Variants in ST6GALNAC3 observed in about 807,000 individuals in gnomAD.
ST6GALNAC3 encodes the protein ST6 N-acetylgalactosaminide alpha-2,6-sialyltransferase 3.
Under a neutral mutation model 32.7 loss-of-function variants are expected in ST6GALNAC3, and 25 were observed. The ratio of observed to expected loss-of-function variants is 0.76; its 90% CI spans 0.56 to 1.07. The LOEUF (loss-of-function observed/expected upper bound fraction) is 1.07, where lower values mean the gene tolerates loss of function less well. ST6GALNAC3 is among the 50% of genes least tolerant of loss of function. The probability of loss-of-function intolerance (pLI) is 0.00; values close to 1 mark genes in which losing one functional copy is unlikely to be tolerated. For missense variants in ST6GALNAC3, 355 were observed against 382.4 expected (o/e 0.93, Z 0.60); for synonymous variants, 129 against 133.1 (o/e 0.97, Z 0.21).
In ST6GALNAC3 at chr1:76,630,030, C is replaced by T. The variant is rs1649210883; in HGVS notation, c.*1224C>T. ...TCCAAAGTGCTTTGTCATTTAGAGT[C>T]CTTTAACATCTGTTATACCATGTGA... On this transcript the variant is annotated 3_prime_UTR_variant, in exon 5 of 5. Coordinates refer to ENST00000328299, the MANE Select transcript of ST6GALNAC3 (RefSeq NM_152996.4). The T allele has an allele frequency of 1.0e-6, 1 of 985,154 alleles. No homozygotes were observed. The highest frequency in any genetic ancestry group is 4.7e-5 in the South Asian group (1 of 21,282). The allele number at this position is 985,154 out of a possible 1,614,324, so 61.0% of individuals were successfully genotyped here. A position where few individuals can be genotyped will look rare whatever the true frequency, so the allele number is the denominator to read the frequency against.
chr1:76,085,353 C>CT (rs2100733116), intron 1 of ST6GALNAC3, among the ~76,000 whole-genome samples: 1 of 152,304 alleles, frequency 6.6e-6, no homozygotes, highest in South Asian at 2.1e-4. Flanking sequence ...TTTCAGTGGA[C>CT]TTTAAGAACC....
intron 2 of ST6GALNAC3, among the ~76,000 whole-genome samples, chr1:76,397,677 G>T (rs184574848): frequency 6.6e-6 from 1 of 151,936 alleles, no homozygotes. Context: ...CCCGGCCAAG[G>T]TGTTCATTTT....
At chr1:76,096,217 T>G (rs1323480838) in intron 1 of ST6GALNAC3, among the ~76,000 whole-genome samples, 2 of 152,226 alleles carry the variant, frequency 1.3e-5, no homozygotes, top group African/African-American at 4.8e-5. Context: ...GTTAATTTCT[T>G]TGGAGTGAAT....
chr1:76,490,631 C>T (rs895330049), intron 3 of ST6GALNAC3, among the ~76,000 whole-genome samples: 1 of 151,758 alleles, frequency 6.6e-6, no homozygotes, highest in South Asian at 2.1e-4. Flanking sequence ...TGGATGAATA[C>T]TCCACTTGGG....
intron 2 of ST6GALNAC3, among the ~76,000 whole-genome samples, chr1:76,371,580 T>A (rs1489666059): frequency 6.6e-6 from 1 of 151,960 alleles, no homozygotes; most frequent in African/African-American, 2.4e-5. Flanking sequence ...TTGGAAAGAG[T>A]GGTTGGGTCA....
At chr1:76,231,958 C>A (rs1036835393) in intron 1 of ST6GALNAC3, among the ~76,000 whole-genome samples, 5 of 152,164 alleles carry the variant, frequency 3.3e-5, no homozygotes, top group African/African-American at 1.2e-4. Flanking sequence ...TGTGTGATAG[C>A]TGAAACACCT....
intron 2 of ST6GALNAC3, among the ~76,000 whole-genome samples, chr1:76,384,087 TCTC>T (rs1471532079): frequency 1.3e-5 from 2 of 152,104 alleles, no homozygotes; most frequent in Non-Finnish European, 2.9e-5. Flanking sequence ...GCCTAAACAT[TCTC>T]ATTAAATGAC....
At chr1:76,513,638 T>A (rs1223105835) in intron 3 of ST6GALNAC3, among the ~76,000 whole-genome samples, 2 of 152,182 alleles carry the variant, frequency 1.3e-5, no homozygotes, top group African/African-American at 4.8e-5. Flanking sequence ...CATATAAATG[T>A]TAGGATTTTC....
chr1:76,220,822 G>A (rs1164102127), intron 1 of ST6GALNAC3, among the ~76,000 whole-genome samples: 1 of 152,084 alleles, frequency 6.6e-6, no homozygotes, highest in African/African-American at 2.4e-5. Context: ...TATTTACATG[G>A]GCAAGAACTT....
At chr1:76,426,912 C>T (rs1655433814) in intron 3 of ST6GALNAC3, among the ~76,000 whole-genome samples, 1 of 151,976 alleles carries the variant, frequency 6.6e-6, no homozygotes, top group African/African-American at 2.4e-5. Context: ...CTGTGTGGCA[C>T]ATGATTGTTT....
chr1:76,274,290 T>C (rs1659016545), intron 1 of ST6GALNAC3, among the ~76,000 whole-genome samples: 1 of 152,208 alleles, frequency 6.6e-6, no homozygotes, highest in Non-Finnish European at 1.5e-5. Flanking sequence ...AAAGTTTTTA[T>C]AAAAATTCTA....
In ST6GALNAC3 at chr1:76,629,883, A is replaced by G; in HGVS notation, c.*1077A>G. 1 of 985,050 alleles carries G rather than the reference A, an allele frequency of 1.0e-6. No homozygotes were observed. Among genetic ancestry groups the G allele is most frequent in the Non-Finnish European group, 1.2e-6 (1 of 829,698 alleles). 61.0% of individuals were successfully genotyped at this position (985,050 alleles called of 1,614,324 possible). On this transcript the variant is annotated 3_prime_UTR_variant, in exon 5 of 5. Coordinates refer to ENST00000328299, the MANE Select transcript of ST6GALNAC3 (RefSeq NM_152996.4). ...CATTGCCAAGTGCCAGCTGTTACAC[A>G]TGGAGAGGAAATGATTCCTTATATT... is the stretch of plus-strand genomic sequence containing the variant.
chr1:76,347,031 A>G (rs1414083042), intron 2 of ST6GALNAC3, among the ~76,000 whole-genome samples: 1 of 152,106 alleles, frequency 6.6e-6, no homozygotes, highest in Non-Finnish European at 1.5e-5. Flanking sequence ...AGCTTACTGC[A>G]TATCCTTTCA....
At chr1:76,294,022 C>T (rs1437049919) in intron 1 of ST6GALNAC3, among the ~76,000 whole-genome samples, 2 of 152,166 alleles carry the variant, frequency 1.3e-5, no homozygotes, top group African/African-American at 4.8e-5. Flanking sequence ...ACTTCCTTTG[C>T]ACTCACTAAG....
chr1:76,548,054 C>A (rs1664403996), intron 3 of ST6GALNAC3, among the ~76,000 whole-genome samples: 1 of 152,092 alleles, frequency 6.6e-6, no homozygotes, highest in Non-Finnish European at 1.5e-5. Flanking sequence ...GCTTCCCAGC[C>A]AATTGCAAAG....
rs184149857 is a variant in ST6GALNAC3 at position 76,165,845 on chromosome 1, G to C, written c.18+90961G>C. Among the ~76,000 whole-genome samples the C allele has an allele frequency of 2.6e-5, 4 of 151,964 alleles. No homozygotes were observed. The East Asian group carries it at 7.7e-4, about 29-fold the overall frequency. ...TGAAAAGTGTCTGTTCATGTCCTTTGTCCACTTTCTAATGGGTTTTTTTTC... is the reference window on the plus strand; with the variant it reads ...TGAAAAGTGTCTGTTCATGTCCTTTCTCCACTTTCTAATGGGTTTTTTTTC... On this transcript the variant is annotated intron_variant, in intron 1 of 4. Transcript: ENST00000328299.
At chr1:76,206,919 A>C (rs569884261) in intron 1 of ST6GALNAC3, among the ~76,000 whole-genome samples, 2 of 152,320 alleles carry the variant, frequency 1.3e-5, no homozygotes, top group East Asian at 3.9e-4. Context: ...CTAAATAGAC[A>C]GACAATATAT....
chr1:76,234,287 C>G (rs1656528839), intron 1 of ST6GALNAC3, among the ~76,000 whole-genome samples: 1 of 152,152 alleles, frequency 6.6e-6, no homozygotes, highest in Non-Finnish European at 1.5e-5. Flanking sequence ...TGTCCCCCTT[C>G]TAGGATCTGA....
intron 1 of ST6GALNAC3, among the ~76,000 whole-genome samples, chr1:76,278,197 A>G (rs1459053069): frequency 1.4e-5 from 2 of 141,328 alleles, no homozygotes; most frequent in Admixed American, 6.9e-5. Flanking sequence ...TTTCAGTATC[A>G]TGTATTCTCA....
Sources: gnomAD v4.1 joint callset for allele counts (sites outside exome capture counted in the v4.1 genomes callset) on GRCh38, gnomAD v4.1.1 for gene constraint, MANE v1.5 for transcripts, NCBI Gene and HGNC (gene_info 2026-07-23, HGNC 2026-07-21) for gene names.